GALNTL6: variants seen among roughly 807,000 people sequenced by gnomAD.
The protein encoded by GALNTL6 is polypeptide N-acetylgalactosaminyltransferase like 6.
Under a neutral mutation model 73.7 loss-of-function variants are expected in GALNTL6, and 46 were observed. The observed-to-expected ratio is 0.62, with a 90% CI of 0.49 to 0.80. GALNTL6 has a LOEUF of 0.80. Ranked by LOEUF, GALNTL6 falls within the 30% of genes least tolerant of loss-of-function variation. GALNTL6 has a pLI of 0.00. For synonymous variants in GALNTL6, 259 were observed against 263.7 expected (o/e 0.98, Z 0.17); for missense variants, 604 against 755.0 (o/e 0.80, Z 2.34).
At chr4:172,851,043 T>C (rs1326147927) in intron 7 of GALNTL6, among the ~76,000 whole-genome samples, 1 of 152,094 alleles carries the variant, frequency 6.6e-6, no homozygotes, top group Admixed American at 6.6e-5. Flanking sequence ...ATTAACTCAA[T>C]TTCCAGCCCC....
intron 2 of GALNTL6, among the ~76,000 whole-genome samples, chr4:172,034,392 G>T (rs1357820095): frequency 3.9e-5 from 3 of 77,146 alleles, no homozygotes; most frequent in Admixed American, 1.5e-4. Context: ...TAAGGGGAGC[G>T]TGCGTGCGTG....
intron 3 of GALNTL6, among the ~76,000 whole-genome samples, chr4:172,289,472 A>T (rs1739385805): frequency 6.6e-6 from 1 of 152,182 alleles, no homozygotes. Flanking sequence ...TCTACCTGGC[A>T]TTATAAAATG....
At chr4:172,576,010 A>G (rs1408216952) in intron 5 of GALNTL6, among the ~76,000 whole-genome samples, 1 of 152,138 alleles carries the variant, frequency 6.6e-6, no homozygotes, top group East Asian at 1.9e-4. Flanking sequence ...TTCAGCCCTT[A>G]ATTCTATTTT....
At chr4:172,745,632 A>C (rs1737070333) in intron 5 of GALNTL6, among the ~76,000 whole-genome samples, 1 of 152,114 alleles carries the variant, frequency 6.6e-6, no homozygotes, top group Admixed American at 6.6e-5. Context: ...ACAGTGACTT[A>C]AACTAAGGCA....
chr4:172,667,156 G>A (rs1045150260), intron 5 of GALNTL6: 2 of 152,220 alleles, frequency 1.3e-5, no homozygotes, highest in Non-Finnish European at 2.9e-5. Flanking sequence ...GCCACTTCAT[G>A]TGGGGTAGTG....
At chr4:172,525,337 C>T (rs970109882) in intron 5 of GALNTL6, among the ~76,000 whole-genome samples, 4 of 152,182 alleles carry the variant, frequency 2.6e-5, no homozygotes, top group African/African-American at 9.7e-5. Flanking sequence ...GAACCTTCTA[C>T]TCAGTAAAAG....
At chr4:172,046,692 G>A (rs772639626) in intron 2 of GALNTL6, among the ~76,000 whole-genome samples, 1 of 152,004 alleles carries the variant, frequency 6.6e-6, no homozygotes, top group Non-Finnish European at 1.5e-5. Context: ...GTCTATTCAG[G>A]CCCCTTGTCA....
chr4:171,849,312 T>G (rs1315659970), intron 2 of GALNTL6, among the ~76,000 whole-genome samples: 2 of 152,210 alleles, frequency 1.3e-5, no homozygotes, highest in Non-Finnish European at 2.9e-5. Context: ...GTTGCAGCAG[T>G]CAGAACACTC....
At chr4:172,611,280 G>T in intron 5 of GALNTL6, among the ~76,000 whole-genome samples, 1 of 151,944 alleles carries the variant, frequency 6.6e-6, no homozygotes, top group East Asian at 1.9e-4. Flanking sequence ...AGTATCAGTG[G>T]TCTATGTACT....
chr4:172,668,482 A>G (rs1731791557), intron 5 of GALNTL6: 2 of 152,134 alleles, frequency 1.3e-5, no homozygotes, highest in South Asian at 4.1e-4. Context: ...GGCCATGAAG[A>G]GGTTTAATTT....
intron 5 of GALNTL6, among the ~76,000 whole-genome samples, chr4:172,411,676 G>A (rs1312405261): frequency 6.6e-6 from 1 of 151,294 alleles, no homozygotes; most frequent in African/African-American, 2.4e-5. Flanking sequence ...GCCTCTTCCA[G>A]TTGTCCTAAG....
intron 7 of GALNTL6, among the ~76,000 whole-genome samples, chr4:172,828,957 G>A (rs1742464734): frequency 2.0e-5 from 3 of 152,156 alleles, no homozygotes; most frequent in Admixed American, 6.5e-5. Flanking sequence ...TCAAGGTGTC[G>A]GCGGAGCTAT....
chr4:172,449,579 T>G (rs1463754933), intron 5 of GALNTL6, among the ~76,000 whole-genome samples: 1 of 152,228 alleles, frequency 6.6e-6, no homozygotes, highest in Non-Finnish European at 1.5e-5. Flanking sequence ...AAATATTTTC[T>G]TCTCCAGGTT....
At position 172,168,619 on chromosome 4, in the gene GALNTL6, G is replaced by A. The variant is rs149711323; in HGVS notation, c.139-61037G>A. 1.1e-3 allele frequency among the ~76,000 whole-genome samples: 161 copies of A among 152,076 alleles called. 1 individual carries two copies. The highest frequency in any genetic ancestry group is 3.6e-3 in the African/African-American group (149 of 41,494). On this transcript the variant is annotated intron_variant, in intron 2 of 12. Transcript: ENST00000506823. ...TGGTGGTGGTGGTGGTAACAATGGC[G>A]ATGCTGGTGATGGTGATGTTGATGA...
intron 5 of GALNTL6, among the ~76,000 whole-genome samples, chr4:172,612,625 A>G (rs552275628): frequency 1.8e-4 from 27 of 152,216 alleles, no homozygotes; most frequent in African/African-American, 6.3e-4. Flanking sequence ...ATGACTTGGA[A>G]TGGCTGTTGG....
At chr4:172,163,176 A>C (rs543332250) in intron 2 of GALNTL6, among the ~76,000 whole-genome samples, 28 of 152,084 alleles carry the variant, frequency 1.8e-4, no homozygotes, top group Non-Finnish European at 4.0e-4. Context: ...AAATGCATTT[A>C]TAATTTTATA....
intron 4 of GALNTL6, 42 bp downstream of exon 4, chr4:172,311,794 T>G (rs186832302): frequency 8.5e-5 from 118 of 1,389,118 alleles, no homozygotes; most frequent in African/African-American, 2.1e-4. Flanking sequence ...GTTTTTTTGG[T>G]TTTTTTTGTC....
intron 3 of GALNTL6, among the ~76,000 whole-genome samples, chr4:172,249,750 G>A (rs184373259): frequency 4.1e-4 from 62 of 152,322 alleles, no homozygotes; most frequent in African/African-American, 1.3e-3. Flanking sequence ...CTTCCAGGTC[G>A]TGTAGGTCCT....
chr4:172,690,598 T>C (rs1437836), intron 5 of GALNTL6, among the ~76,000 whole-genome samples: 52,293 of 152,126 alleles, frequency 0.34, 9,600 homozygotes, highest in Middle Eastern at 0.49. Flanking sequence ...AACAATGGAA[T>C]TGACTCCTTT....
Sources: allele counts gnomAD v4.1 joint callset (sites outside exome capture counted in the v4.1 genomes callset), GRCh38; gene constraint gnomAD v4.1.1; transcripts MANE v1.5; gene names NCBI Gene and HGNC (gene_info 2026-07-23, HGNC 2026-07-21).